Variants in ETAA1 observed in about 807,000 individuals in gnomAD.
ETAA1 encodes ETAA1 activator of ATR kinase, also known as ewing's tumor-associated antigen 1.
ETAA1 carries 49 observed loss-of-function variants against 76.8 expected under a neutral mutation model. That is an observed-to-expected ratio of 0.64 (90% CI 0.51 to 0.81). The LOEUF (loss-of-function observed/expected upper bound fraction) is 0.81, where lower values mean the gene tolerates loss of function less well. Ranked by LOEUF, ETAA1 falls within the 30% of genes least tolerant of loss-of-function variation. The pLI is 0.00. For synonymous variants in ETAA1, 373 were observed against 372.2 expected, an observed-to-expected ratio of 1.00 and a Z score of -0.03; for missense variants, 1,099 against 1,074.0, an observed-to-expected ratio of 1.02 and a Z score of -0.32.
chr2:67,398,371 T>G (rs1391544500), intron 1 of ETAA1, among the ~76,000 whole-genome samples: 1 of 149,540 alleles, frequency 6.7e-6, no homozygotes, highest in East Asian at 2.0e-4. Flanking sequence ...AATCTCGCCC[T>G]GTCGCCCAGG....
At chr2:67,406,106 G>A (rs946443428) in intron 5 of ETAA1, among the ~76,000 whole-genome samples, 6 of 151,980 alleles carry the variant, frequency 3.9e-5, no homozygotes, top group African/African-American at 4.8e-5. Context: ...ATGGCTGCCC[G>A]TCATATTTCA....
Position 67,403,897 on chromosome 2 carries a change from T to C in ETAA1, c.1215T>C (p.Ser405=), listed in dbSNP as rs771862678. Residue 405 remains serine, a synonymous_variant, in exon 5 of 6, where the codon TCT becomes TCC. Coordinates refer to ENST00000272342, the MANE Select transcript of ETAA1 (RefSeq NM_019002.4). ...TCGACATGCCTGAACTCTTTCCTTCTAAAACAGCCCATGTTACTGATCAAA... is the reference window on the plus strand; with the variant it reads ...TCGACATGCCTGAACTCTTTCCTTCCAAAACAGCCCATGTTACTGATCAAA... The part of the protein sequence containing the change: ...QNIDMPELFP[S]KTAHVTDQKE... 1 of 1,613,028 alleles carries C rather than the reference T, an allele frequency of 6.2e-7. No homozygotes were observed. The highest frequency in any genetic ancestry group is 1.7e-5 in the Admixed American group (1 of 59,966).
Position 67,405,168 on chromosome 2 carries a change from C to T in ETAA1, c.2486C>T (p.Ser829Phe), listed in dbSNP as rs751604679. 4 of 1,612,256 alleles carry T rather than the reference C, an allele frequency of 2.5e-6. No individual in the cohort carries two copies. The highest frequency in any genetic ancestry group is 3.4e-6 in the Non-Finnish European group (4 of 1,179,102). Residue 829 changes from serine to phenylalanine, a missense_variant, in exon 5 of 6, where the codon TCT (serine) becomes TTT (phenylalanine). Transcript: ENST00000272342. ...TTTACATTTACAAGGATGAAAAATT[C>T]TCAGATTCTTTCTCAGTTTAATCAA... ...SKFTFTRMKN[S>F]QILSQFNQNC... is the part of the protein sequence containing the mutation.
In ETAA1 at chr2:67,399,564, A is replaced by G; in HGVS notation, c.367A>G (p.Lys123Glu). 6.2e-7 allele frequency: 1 copy of G among 1,605,440 alleles called. No individual in the cohort carries two copies. The highest frequency in any genetic ancestry group is 8.5e-7 in the Non-Finnish European group (1 of 1,175,436). Residue 123 changes from lysine to glutamate, a missense_variant, in exon 3 of 6, where the codon AAA (lysine) becomes GAA (glutamate). Physicochemically the swap from Lys to Glu is moderately conservative, Grantham distance 56 (BLOSUM62 1). Around this residue, in one of 3 missense-constraint regions of ETAA1, gnomAD observed 761 missense variants for 731.9 expected, o/e 1.04. Coordinates refer to ENST00000272342, the MANE Select transcript of ETAA1 (RefSeq NM_019002.4). ...TGTTTCTTTAGGTAAAGGAAGAAAA[A>G]AACAGATTTACACCACAGATAGTGA... is the stretch of plus-strand genomic sequence containing the variant. Reference protein sequence around the residue: ...LTKQLGKGRKKQIYTTDSDEI... With the variant: ...LTKQLGKGRKEQIYTTDSDEI...
At position 67,397,368 on chromosome 2, in the gene ETAA1, G is replaced by C; in HGVS notation, c.-81G>C. Reference sequence around the variant, plus strand: ...ATGGCGGCTGCCGTTGGTGCGGGGTGCGGTTTGTAGTGCTGTTGCCCTACT... The same window carrying C: ...ATGGCGGCTGCCGTTGGTGCGGGGTCCGGTTTGTAGTGCTGTTGCCCTACT... On this transcript the variant is annotated 5_prime_UTR_variant, in exon 1 of 6. Transcript: ENST00000272342. 7.1e-7 allele frequency: 1 copy of C among 1,413,366 alleles called. No individual in the cohort carries two copies. Among genetic ancestry groups the C allele is most frequent in the East Asian group, 2.5e-5 (1 of 40,272 alleles). 87.6% of individuals were successfully genotyped at this position (1,413,366 alleles called of 1,614,324 possible). A position where few individuals can be genotyped will look rare whatever the true frequency, so the allele number is the denominator to read the frequency against.
intron 5 of ETAA1, among the ~76,000 whole-genome samples, chr2:67,407,515 T>A (rs1015135110): frequency 3.3e-5 from 5 of 152,090 alleles, no homozygotes; most frequent in Admixed American, 1.3e-4. Flanking sequence ...TGACTTTATT[T>A]ACAGATAGAG....
At position 67,403,553 on chromosome 2, in the gene ETAA1, C is replaced by A; in HGVS notation, c.871C>A (p.Gln291Lys). 6.2e-7 allele frequency: 1 copy of A among 1,613,436 alleles called. No homozygotes were observed. The highest frequency in any genetic ancestry group is 8.5e-7 in the Non-Finnish European group (1 of 1,179,480). The change falls in exon 5 of 6, where the codon CAG (glutamine) becomes AAG (lysine). Residue 291 changes from glutamine (Q) to lysine (K), a missense_variant. By Grantham distance (53) the Gln-to-Lys change is moderately conservative. Around this residue, in one of 3 missense-constraint regions of ETAA1, gnomAD observed 761 missense variants for 731.9 expected, o/e 1.04. Transcript: ENST00000272342. Reference sequence around the variant, plus strand: ...TAATGCTATTTTTGATGGTTCTACTCAGAAATGTAGCGGACAGTTAAGCCA... The same window carrying A: ...TAATGCTATTTTTGATGGTTCTACTAAGAAATGTAGCGGACAGTTAAGCCA... ...AFNAIFDGST[Q>K]KCSGQLSQEL...
At position 67,410,097 on chromosome 2, in the gene ETAA1, A is replaced by G. The variant is rs1676333842; in HGVS notation, c.*59A>G. ...CTGATAACTATCTGTGATTGATAGG[A>G]AATTTTTTTTCTTGATTTCTCTGTG... is the stretch of plus-strand genomic sequence containing the variant. On this transcript the variant is annotated 3_prime_UTR_variant, in exon 6 of 6. Coordinates refer to ENST00000272342, the MANE Select transcript of ETAA1 (RefSeq NM_019002.4). The G allele has an allele frequency of 6.6e-7, 1 of 1,515,618 alleles. No individual in the cohort carries two copies. The highest frequency in any genetic ancestry group is 2.4e-5 in the Admixed American group (1 of 41,664). 93.9% of individuals were successfully genotyped at this position (1,515,618 alleles called of 1,614,324 possible).
At chr2:67,399,091 T>G in intron 1 of ETAA1, 78 bp from the exon 2 acceptor site, 1 of 1,292,106 alleles carries the variant, frequency 7.7e-7, no homozygotes, top group Non-Finnish European at 1.1e-6. Flanking sequence ...TAGTCTCAGC[T>G]ATTTGACCTT....
chr2:67,409,876 A>G, intron 5 of ETAA1, 35 bp from the exon 6 acceptor site: 8 of 1,571,578 alleles, frequency 5.1e-6, no homozygotes, highest in East Asian at 2.3e-5. Flanking sequence ...TTTATAGGCT[A>G]TAAAAGTAAA....
Position 67,403,399 on chromosome 2 carries a change from A to G in ETAA1, c.717A>G (p.Ser239=). 1 of 1,606,972 alleles carries G rather than the reference A, an allele frequency of 6.2e-7. No homozygotes were observed. Among genetic ancestry groups the G allele is most frequent in the Non-Finnish European group, 8.5e-7 (1 of 1,174,324 alleles). Residue 239 remains serine (S), a synonymous_variant, in exon 5 of 6, where the codon TCA becomes TCG. Coordinates refer to ENST00000272342, the MANE Select transcript of ETAA1 (RefSeq NM_019002.4). ...SNYKDNIQMW[S]LHNIVPEIDN... Reference sequence around the variant, plus strand: ...ATAAAGATAATATACAGATGTGGTCATTACATAATATAGTTCCCGAAATAG... The same window carrying G: ...ATAAAGATAATATACAGATGTGGTCGTTACATAATATAGTTCCCGAAATAG...
intron 5 of ETAA1, among the ~76,000 whole-genome samples, chr2:67,408,695 A>G (rs1010906141): frequency 4.6e-5 from 7 of 152,176 alleles, no homozygotes; most frequent in African/African-American, 1.7e-4. Context: ...CCCTAAATCA[A>G]ATTTTCATGG....
At position 67,405,129 on chromosome 2, in the gene ETAA1, T is replaced by C. The variant is rs1314844597; in HGVS notation, c.2447T>C (p.Val816Ala). The change falls in exon 5 of 6, where the codon GTT becomes GCT. Residue 816 changes from valine to alanine, a missense_variant. Around this residue, in one of 3 missense-constraint regions of ETAA1, gnomAD observed 302 missense variants for 278.1 expected, o/e 1.09. Coordinates refer to ENST00000272342, the MANE Select transcript of ETAA1 (RefSeq NM_019002.4). ...DEAQSNLNTT[V>A]GFSKFTFTRM... is the part of the protein sequence containing the mutation. ...GCTCAGAGCAACCTTAACACAACAG[T>C]TGGATTTTCAAAGTTTACATTTACA... 1 of 1,612,582 alleles carries C rather than the reference T, an allele frequency of 6.2e-7. No individual in the cohort carries two copies. The highest frequency in any genetic ancestry group is 8.5e-7 in the Non-Finnish European group (1 of 1,179,178).
chr2:67,408,248 G>T (rs1046951359), intron 5 of ETAA1, among the ~76,000 whole-genome samples: 1 of 152,032 alleles, frequency 6.6e-6, no homozygotes, highest in East Asian at 1.9e-4. Flanking sequence ...GGCAAACTAT[G>T]ATCTGTCCAA....
chr2:67,403,515 C>G lies in ETAA1; in HGVS notation c.833C>G (p.Ala278Gly), dbSNP rs200800227. The stretch of plus-strand genomic sequence containing the variant: ...AGTCAGAAGCCATTTGACCAAATTG[C>G]TGAAGCAGCCTTTAATGCTATTTTT... ...NSSQKPFDQIAEAAFNAIFDG... is the reference protein window; with the variant it reads ...NSSQKPFDQIGEAAFNAIFDG... The change falls in exon 5 of 6, where the codon GCT becomes GGT. Residue 278 changes from alanine (A) to glycine (G), a missense_variant. By Grantham distance (60) the Ala-to-Gly change is moderately conservative. Transcript: ENST00000272342. 1.2e-6 allele frequency: 2 copies of G among 1,613,482 alleles called. No individual in the cohort carries two copies. The highest frequency in any genetic ancestry group is 2.7e-5 in the African/African-American group (2 of 75,012).
At chr2:67,400,984 C>T (rs543831542) in intron 3 of ETAA1, 1 of 152,102 alleles carries the variant, frequency 6.6e-6, no homozygotes, top group South Asian at 2.1e-4. Context: ...TATAAGTTAA[C>T]AATAGATCTT....
chr2:67,401,166 A>G (rs953774807), intron 3 of ETAA1: 1 of 152,104 alleles, frequency 6.6e-6, no homozygotes, highest in Non-Finnish European at 1.5e-5. Flanking sequence ...GGTAACTTGT[A>G]TAAAAGAAAA....
At position 67,397,546 on chromosome 2, in the gene ETAA1, G is replaced by T. The variant is rs1397493339; in HGVS notation, c.98G>T (p.Gly33Val). The change falls in exon 1 of 6, where the codon GGG (glycine) becomes GTG (valine). Residue 33 changes from glycine (G) to valine (V), a missense_variant. This residue lies in a region of ETAA1 where 761 missense variants were observed against 731.9 expected (regional missense o/e 1.04). Transcript: ENST00000272342. ...AEECGSVVEP[G>V]RRRLRSARGS... The stretch of plus-strand genomic sequence containing the variant: ...GAATGCGGCTCGGTGGTCGAGCCAG[G>T]GAGGAGGCGGCTGAGATCGGCCCGC... 1 of 1,579,310 alleles carries T rather than the reference G, an allele frequency of 6.3e-7. No homozygotes were observed. Among genetic ancestry groups the T allele is most frequent in the African/African-American group, 1.4e-5 (1 of 74,054 alleles).
In ETAA1 at chr2:67,404,354, A is replaced by G. The variant is rs757108251; in HGVS notation, c.1672A>G (p.Ser558Gly). ...TCTTTTTGGCTCTGCAAATCTAGGC[A>G]GTAAAACCAGTGTTAGTAACCCAAA... is the stretch of plus-strand genomic sequence containing the variant. The part of the protein sequence containing the change: ...TDLFGSANLG[S>G]KTSVSNPNQT... The change falls in exon 5 of 6, where the codon AGT (serine) becomes GGT (glycine). Residue 558 changes from serine (S) to glycine (G), a missense_variant. Transcript: ENST00000272342. 3 of 1,613,132 alleles carry G rather than the reference A, an allele frequency of 1.9e-6. No individual in the cohort carries two copies. The African/African-American group carries it at 4.0e-5, about 22-fold the overall frequency.
Sources: allele counts gnomAD v4.1 joint callset (sites outside exome capture counted in the v4.1 genomes callset), GRCh38; gene constraint gnomAD v4.1.1; regional missense constraint gnomAD v4.1.1; transcripts MANE v1.5; gene names NCBI Gene and HGNC (gene_info 2026-07-23, HGNC 2026-07-21).